The following STOM variants were observed in gnomAD, a reference collection of about 807,000 sequenced individuals.
STOM encodes stomatin.
STOM carries 25 observed loss-of-function variants against 30.6 expected under a neutral mutation model. The observed-to-expected ratio is 0.82, with a 90% CI of 0.60 to 1.14. The LOEUF is 1.14. Among genes scored for constraint, STOM ranks in the 50% most tolerant of loss-of-function variants. STOM has a pLI of 0.00. For missense variants in STOM, 292 were observed against 365.2 expected (o/e 0.80, Z 1.63); for synonymous variants, 118 against 130.8 (o/e 0.90, Z 0.67).
At chr9:121,367,761 T>C (rs796312822) in intron 1 of STOM, among the ~76,000 whole-genome samples, 22 of 152,390 alleles carry the variant, frequency 1.4e-4, no homozygotes, top group African/African-American at 5.3e-4. Flanking sequence ...AGCAGCCTTC[T>C]GGAAGTCATC....
chr9:121,356,807 A>G (rs1363424419), intron 1 of STOM, among the ~76,000 whole-genome samples: 22 of 152,064 alleles, frequency 1.4e-4, no homozygotes, highest in Non-Finnish European at 5.9e-5. Flanking sequence ...ACATGATAAA[A>G]CCCCGTCTCT....
At chr9:121,360,579 A>G (rs1385709174) in intron 1 of STOM, among the ~76,000 whole-genome samples, 1 of 152,172 alleles carries the variant, frequency 6.6e-6, no homozygotes, top group Non-Finnish European at 1.5e-5. Flanking sequence ...TAATCCTTCT[A>G]TTTTACTTAA....
chr9:121,339,910 G>A lies in STOM; in HGVS notation c.*1292C>T. ...AGACACTATATAGTCAATATACTGT[G>A]AATTCCTTATACTATGTAATGAATG... On this transcript the variant is annotated 3_prime_UTR_variant, in exon 7 of 7. Coordinates refer to ENST00000286713, the MANE Select transcript of STOM (RefSeq NM_004099.6). The A allele has an allele frequency of 9.2e-7, 1 of 1,089,414 alleles. No homozygotes were observed. The highest frequency in any genetic ancestry group is 5.6e-5 in the East Asian group (1 of 17,964). 67.5% of individuals were successfully genotyped at this position (1,089,414 alleles called of 1,614,324 possible).
intron 5 of STOM, 121 bp downstream of exon 5, chr9:121,348,999 A>G: frequency 8.4e-7 from 1 of 1,185,180 alleles, no homozygotes; most frequent in Non-Finnish European, 1.2e-6. Context: ...TTTTACTATG[A>G]AGAAAAAAAA....
intron 3 of STOM, among the ~76,000 whole-genome samples, chr9:121,353,940 C>G: frequency 6.6e-6 from 1 of 152,216 alleles, no homozygotes. Context: ...CTGGTTTTCT[C>G]TTTTCTCACA....
intron 1 of STOM, among the ~76,000 whole-genome samples, chr9:121,369,464 T>TG (rs1219263644): frequency 8.5e-6 from 1 of 117,582 alleles, no homozygotes; most frequent in Non-Finnish European, 1.7e-5. Context: ...CCTTGAAGAC[T>TG]GGGAAGGGAG....
At chr9:121,346,340 A>T (rs12347910) in intron 6 of STOM, among the ~76,000 whole-genome samples, 1 of 152,166 alleles carries the variant, frequency 6.6e-6, no homozygotes, top group Non-Finnish European at 1.5e-5. Context: ...GTTGTTACCC[A>T]GAGTGCTATA....
intron 1 of STOM, among the ~76,000 whole-genome samples, chr9:121,364,251 A>G (rs1050295504): frequency 3.9e-5 from 6 of 152,204 alleles, no homozygotes; most frequent in Non-Finnish European, 5.9e-5. Flanking sequence ...CAATTCATTT[A>G]AGGCAGAAGA....
chr9:121,353,025 G>A (rs1003687850), intron 4 of STOM, among the ~76,000 whole-genome samples, 195 bp downstream of exon 4: 7 of 152,202 alleles, frequency 4.6e-5, no homozygotes, highest in South Asian at 2.1e-4. Context: ...CCCAGGCGGC[G>A]GAGGTTGCAG....
In STOM at chr9:121,361,374, T is replaced by C. The variant is rs1445628263; in HGVS notation, c.62-5218A>G. Among the ~76,000 whole-genome samples the C allele has an allele frequency of 2.7e-5, 4 of 145,672 alleles. No individual in the cohort carries two copies. The East Asian group carries it at 8.2e-4, about 30-fold the overall frequency. ...ATAGTGATATTTTGGTTAATACACT[T>C]GTGGACTTTTTTTTTTTTTTTTTTT... On this transcript the variant is annotated intron_variant, in intron 1 of 6. Coordinates refer to ENST00000286713, the MANE Select transcript of STOM (RefSeq NM_004099.6).
intron 1 of STOM, among the ~76,000 whole-genome samples, chr9:121,359,094 C>T (rs1351857777): frequency 6.6e-6 from 1 of 152,168 alleles, no homozygotes; most frequent in Admixed American, 6.5e-5. Context: ...ACTTGGAAGG[C>T]TTCTGCTGTA....
chr9:121,343,438 T>C (rs2064263216), intron 6 of STOM, among the ~76,000 whole-genome samples: 1 of 152,166 alleles, frequency 6.6e-6, no homozygotes, highest in East Asian at 1.9e-4. Context: ...CCTGGTCAGG[T>C]AGGGAAGGCA....
At chr9:121,354,763 G>T (rs931273330) in intron 2 of STOM, 90 bp from the exon 3 acceptor site, 20 of 893,932 alleles carry the variant, frequency 2.2e-5, no homozygotes, top group Non-Finnish European at 2.8e-5. Flanking sequence ...GCTCTAAACA[G>T]ATTAGATGCC....
intron 4 of STOM, among the ~76,000 whole-genome samples, chr9:121,351,919 A>G (rs1318818372): frequency 6.6e-6 from 1 of 152,260 alleles, no homozygotes; most frequent in Non-Finnish European, 1.5e-5. Context: ...TTTCTAACCA[A>G]TTTATCTAGA....
intron 1 of STOM, chr9:121,369,831 G>T: frequency 2.7e-6 from 1 of 374,728 alleles, no homozygotes; most frequent in Non-Finnish European, 4.8e-6. Context: ...TAGTCCGCGT[G>T]CGTGACACGA....
chr9:121,348,562 T>C (rs1225387942), intron 5 of STOM, among the ~76,000 whole-genome samples: 1 of 152,244 alleles, frequency 6.6e-6, no homozygotes, highest in Non-Finnish European at 1.5e-5. Context: ...TAAGTCATAT[T>C]ACTCCTTTGT....
rs78780557 is a variant in STOM at position 121,346,339 on chromosome 9, C to T, written c.660+1676G>A. Among the ~76,000 whole-genome samples the T allele has an allele frequency of 2.2e-4, 34 of 152,252 alleles. No homozygotes were observed. In the East Asian group the frequency reaches 6.6e-3, roughly 29 times the overall value. ...CTCTAAGCAGTTGAGGGTTGTTACC[C>T]AGAGTGCTATAGAAGGGTTCTGAGG... On this transcript the variant is annotated intron_variant, in intron 6 of 6. Coordinates refer to ENST00000286713, the MANE Select transcript of STOM (RefSeq NM_004099.6).
intron 1 of STOM, among the ~76,000 whole-genome samples, chr9:121,356,907 CAGGAGGTGGAGGTTGCAGTGAGCCA>C (rs1395117345): frequency 4.6e-5 from 7 of 152,094 alleles, no homozygotes; most frequent in African/African-American, 1.4e-4. Context: ...TGCATGAACC[CAGGAGGTGGAGGTTGCAGTGAGCCA>C]AGATTGTACC....
intron 1 of STOM, among the ~76,000 whole-genome samples, chr9:121,361,876 T>C (rs145661119): frequency 1.1e-3 from 162 of 152,284 alleles, no homozygotes; most frequent in African/African-American, 3.7e-3. Flanking sequence ...GATGAAACTG[T>C]TCCACCACAG....
Sources: allele counts gnomAD v4.1 joint callset (sites outside exome capture counted in the v4.1 genomes callset), GRCh38; gene constraint gnomAD v4.1.1; transcripts MANE v1.5; gene names NCBI Gene and HGNC (gene_info 2026-07-23, HGNC 2026-07-21).